GLIS3: variants seen among roughly 807,000 people sequenced by gnomAD.
The protein encoded by GLIS3 is GLIS family zinc finger 3.
In GLIS3, 53 loss-of-function variants were observed where a neutral mutation model predicts 78.6. The observed-to-expected ratio is 0.67, with a 90% CI of 0.54 to 0.85. The LOEUF (loss-of-function observed/expected upper bound fraction) is 0.85, where lower values mean the gene tolerates loss of function less well. Ranked by LOEUF, GLIS3 falls within the 40% of genes least tolerant of loss-of-function variation. The pLI is 0.00. For missense variants in GLIS3, 1,703 were observed against 1,231.1 expected (o/e 1.38, Z -5.74); for synonymous variants, 684 against 509.9 (o/e 1.34, Z -4.60).
intron 2 of GLIS3, among the ~76,000 whole-genome samples, chr9:4,194,117 G>A (rs1173639400): frequency 1.3e-5 from 2 of 152,178 alleles, no homozygotes; most frequent in Non-Finnish European, 2.9e-5. Flanking sequence ...GAGTGCAGTG[G>A]TGCGATCTCG....
chr9:4,481,869 G>A, the GLIS3 span, among the ~76,000 whole-genome samples: 22 of 152,310 alleles, frequency 1.4e-4, no homozygotes, highest in Admixed American at 5.9e-4. Context: ...GGGTCTACCC[G>A]CAGGGTGTGA....
chr9:4,481,561 T>C, the GLIS3 span, among the ~76,000 whole-genome samples: 25 of 151,792 alleles, frequency 1.6e-4, no homozygotes, highest in African/African-American at 5.5e-4. Context: ...TCCAGTGTAA[T>C]TCATTTCCCC....
chr9:4,424,664 A>G, the GLIS3 span, among the ~76,000 whole-genome samples: 7 of 152,156 alleles, frequency 4.6e-5, no homozygotes, highest in Non-Finnish European at 1.5e-5. Flanking sequence ...CCTGGGTTCA[A>G]GGGATCCTCC....
chr9:4,030,734 A>C (rs1480440553), intron 4 of GLIS3, among the ~76,000 whole-genome samples: 1 of 152,146 alleles, frequency 6.6e-6, no homozygotes, highest in African/African-American at 2.4e-5. Context: ...TCTTGATGGC[A>C]TGACTGGAAC....
intron 2 of GLIS3, among the ~76,000 whole-genome samples, chr9:4,199,054 C>T (rs1819124662): frequency 6.6e-6 from 1 of 152,158 alleles, no homozygotes; most frequent in Non-Finnish European, 1.5e-5. Context: ...ACAAGATAAC[C>T]ATAAGAGAGT....
chr9:4,315,755 G>T (rs1362089136), intron 2 of GLIS3, among the ~76,000 whole-genome samples: 1 of 152,160 alleles, frequency 6.6e-6, no homozygotes, highest in African/African-American at 2.4e-5. Flanking sequence ...CCAAGAGGGA[G>T]GTTCCTGGAA....
the GLIS3 span, among the ~76,000 whole-genome samples, chr9:4,409,706 T>G: frequency 1.3e-5 from 2 of 152,138 alleles, no homozygotes; most frequent in Admixed American, 6.6e-5. Flanking sequence ...AAATATGGGT[T>G]GAAGAAGCAA....
At chr9:3,860,840 G>A (rs577621526) in intron 8 of GLIS3, among the ~76,000 whole-genome samples, 2 of 152,190 alleles carry the variant, frequency 1.3e-5, no homozygotes, top group Non-Finnish European at 2.9e-5. Flanking sequence ...GTGTGGCATT[G>A]TTCTAAGCAC....
intron 4 of GLIS3, among the ~76,000 whole-genome samples, chr9:4,053,093 G>A (rs569399787): frequency 3.8e-4 from 58 of 152,086 alleles, no homozygotes; most frequent in African/African-American, 1.2e-3. Context: ...GACCACAGGC[G>A]CACACCCCCA....
intron 2 of GLIS3, among the ~76,000 whole-genome samples, chr9:4,252,272 A>T (rs912135237): frequency 1.3e-5 from 2 of 152,090 alleles, no homozygotes; most frequent in Admixed American, 6.6e-5. Flanking sequence ...CTTTTTACAT[A>T]GTCCCATATT....
intron 4 of GLIS3, among the ~76,000 whole-genome samples, chr9:3,983,376 G>A (rs921556052): frequency 2.9e-4 from 44 of 152,152 alleles, no homozygotes; most frequent in African/African-American, 1.0e-3. Context: ...TCAGCAGCAT[G>A]AGAACAGGCT....
At chr9:4,116,473 T>C (rs1831648283) in intron 4 of GLIS3, among the ~76,000 whole-genome samples, 1 of 152,246 alleles carries the variant, frequency 6.6e-6, no homozygotes, top group African/African-American at 2.4e-5. Context: ...ATGTGGTGCA[T>C]AGCGTTGTGA....
chr9:4,144,108 G>C (rs1278523800), intron 2 of GLIS3, among the ~76,000 whole-genome samples: 1 of 152,124 alleles, frequency 6.6e-6, no homozygotes, highest in African/African-American at 2.4e-5. Flanking sequence ...TGGACCTCAG[G>C]GGAGAAGGCA....
the GLIS3 span, among the ~76,000 whole-genome samples, chr9:4,424,414 G>A: frequency 2.0e-5 from 3 of 152,172 alleles, no homozygotes; most frequent in Non-Finnish European, 2.9e-5. Flanking sequence ...AGGCCTGTAA[G>A]TACCAGGCAA....
intron 3 of GLIS3, among the ~76,000 whole-genome samples, chr9:4,120,304 C>G (rs1335195072): frequency 6.6e-6 from 1 of 152,136 alleles, no homozygotes; most frequent in South Asian, 2.1e-4. Flanking sequence ...GTGATAACAC[C>G]ATCATCAACG....
At chr9:3,909,321 G>T (rs1451546123) in intron 6 of GLIS3, among the ~76,000 whole-genome samples, 1 of 152,208 alleles carries the variant, frequency 6.6e-6, no homozygotes, top group East Asian at 1.9e-4. Context: ...ATCTCTAGGG[G>T]ATTCCTTAGC....
the GLIS3 span, among the ~76,000 whole-genome samples, chr9:4,412,135 C>G: frequency 1.3e-5 from 2 of 152,330 alleles, no homozygotes; most frequent in African/African-American, 4.8e-5. Flanking sequence ...AATAGCCCAA[C>G]AGCCAAACTA....
In GLIS3 at chr9:4,023,023, A is replaced by T. The variant is rs146130369; in HGVS notation, c.1711-85834T>A. ...GATTTCACGGAGGTACACAGCTGCA[A>T]ATCCCATTGCATTCTCTCTCTAAAA... is the stretch of plus-strand genomic sequence containing the variant. On this transcript the variant is annotated intron_variant, in intron 4 of 10. Transcript: ENST00000381971. Among the ~76,000 whole-genome samples, 582 of 152,286 alleles carry T rather than the reference A, an allele frequency of 3.8e-3. 4 individuals carry two copies. The highest frequency in any genetic ancestry group is 0.013 in the African/African-American group (552 of 41,556).
chr9:4,237,471 G>A (rs752464842), intron 2 of GLIS3, among the ~76,000 whole-genome samples: 3 of 152,208 alleles, frequency 2.0e-5, no homozygotes, highest in Non-Finnish European at 4.4e-5. Context: ...ATGAAAGATA[G>A]ATGAAATCGC....
Sources: allele counts gnomAD v4.1 joint callset (sites outside exome capture counted in the v4.1 genomes callset), GRCh38; gene constraint gnomAD v4.1.1; transcripts MANE v1.5; gene names NCBI Gene and HGNC (gene_info 2026-07-23, HGNC 2026-07-21).